Variants in TRMT11 observed in about 807,000 individuals in gnomAD.
TRMT11 encodes tRNA methyltransferase 11.
Under a neutral mutation model 62.8 loss-of-function variants are expected in TRMT11, and 53 were observed. That is an observed-to-expected ratio of 0.84 (90% CI 0.68 to 1.06). TRMT11 has a LOEUF of 1.06. Among genes scored for constraint, TRMT11 ranks in the 50% least tolerant of loss-of-function variants. The probability of loss-of-function intolerance (pLI) is 0.00; values close to 1 mark genes in which losing one functional copy is unlikely to be tolerated. For synonymous variants in TRMT11, 188 were observed against 190.3 expected, an observed-to-expected ratio of 0.99 and a Z score of 0.10; for missense variants, 556 against 553.4, an observed-to-expected ratio of 1.00 and a Z score of -0.05.
At chr6:126,005,305 G>A (rs1770630794) in intron 7 of TRMT11, among the ~76,000 whole-genome samples, 1 of 152,026 alleles carries the variant, frequency 6.6e-6, no homozygotes, top group Non-Finnish European at 1.5e-5. Context: ...TAATCCCAAA[G>A]GAGGTAGTAT....
intron 7 of TRMT11, among the ~76,000 whole-genome samples, chr6:126,003,348 T>C (rs1329319500): frequency 2.6e-5 from 4 of 152,144 alleles, no homozygotes; most frequent in African/African-American, 7.2e-5. Context: ...CTTCTTCGAA[T>C]GTGGCCCAGG....
At chr6:126,129,480 C>T (rs550757720) in intron 21 of TRMT11, among the ~76,000 whole-genome samples, 2 of 152,070 alleles carry the variant, frequency 1.3e-5, no homozygotes, top group East Asian at 3.9e-4. Flanking sequence ...GGAACTTTAC[C>T]GACTATGGGT....
At chr6:126,209,512 A>G in the TRMT11 span, among the ~76,000 whole-genome samples, 15 of 151,860 alleles carry the variant, frequency 9.9e-5, no homozygotes, top group African/African-American at 3.6e-4. Flanking sequence ...CAAGGTCAGG[A>G]GATCGAGACC....
chr6:126,151,329 G>A (rs1307989268), intron 21 of TRMT11, among the ~76,000 whole-genome samples: 1 of 152,094 alleles, frequency 6.6e-6, no homozygotes, highest in Non-Finnish European at 1.5e-5. Context: ...TAGCAATTAA[G>A]TAGAGGAATT....
chr6:126,261,999 G>GT, the TRMT11 span, among the ~76,000 whole-genome samples: 1 of 152,214 alleles, frequency 6.6e-6, no homozygotes, highest in Admixed American at 6.5e-5. Flanking sequence ...GTTTGTGTGA[G>GT]TACAGCGAGG....
intron 17 of TRMT11, among the ~76,000 whole-genome samples, chr6:126,067,526 GT>G (rs1776728068): frequency 6.6e-6 from 1 of 152,170 alleles, no homozygotes; most frequent in South Asian, 2.1e-4. Context: ...CATGTTCTTT[GT>G]TGTGTGGGAT....
chr6:126,220,887 A>C, the TRMT11 span, among the ~76,000 whole-genome samples: 1 of 152,070 alleles, frequency 6.6e-6, no homozygotes, highest in African/African-American at 2.4e-5. Flanking sequence ...ACTGATAGGT[A>C]GTTTTTCGAT....
intron 21 of TRMT11, among the ~76,000 whole-genome samples, chr6:126,127,764 C>A (rs113981465): frequency 1.3e-5 from 2 of 150,410 alleles, no homozygotes; most frequent in Non-Finnish European, 1.5e-5. Context: ...GTTTGCTGAA[C>A]GCGCCCGATC....
At chr6:126,080,744 C>T (rs1777144033) in intron 17 of TRMT11, among the ~76,000 whole-genome samples, 1 of 152,168 alleles carries the variant, frequency 6.6e-6, no homozygotes, top group South Asian at 2.1e-4. Flanking sequence ...CGGGAGCATT[C>T]AGTGTTCAAG....
chr6:126,249,806 T>C, the TRMT11 span, among the ~76,000 whole-genome samples: 2 of 152,146 alleles, frequency 1.3e-5, no homozygotes. Flanking sequence ...AAGATAAACA[T>C]GATGGATATA....
intron 12 of TRMT11, among the ~76,000 whole-genome samples, chr6:126,030,379 C>T (rs1156555864): frequency 6.6e-6 from 1 of 152,186 alleles, no homozygotes; most frequent in African/African-American, 2.4e-5. Context: ...CATTTCATTT[C>T]ACTCTCTGCT....
chr6:126,246,189 G>C, the TRMT11 span, among the ~76,000 whole-genome samples: 4 of 152,254 alleles, frequency 2.6e-5, no homozygotes, highest in South Asian at 8.3e-4. Flanking sequence ...CGAGGCTGCA[G>C]TGGGTGATGG....
At chr6:125,999,425 C>T (rs748877499) in intron 6 of TRMT11, 32 bp from the exon 7 acceptor site, 3 of 1,550,376 alleles carry the variant, frequency 1.9e-6, no homozygotes. Context: ...TTCTGTATGG[C>T]TATACTAACA....
intron 7 of TRMT11, among the ~76,000 whole-genome samples, chr6:126,003,946 A>G (rs1792940193): frequency 6.6e-6 from 1 of 151,904 alleles, no homozygotes. Flanking sequence ...GTAGTTTTAC[A>G]TTTTTTCTTT....
At chr6:126,160,311 T>G (rs544968458) in intron 21 of TRMT11, among the ~76,000 whole-genome samples, 7 of 152,322 alleles carry the variant, frequency 4.6e-5, no homozygotes, top group Admixed American at 1.3e-4. Context: ...ATGCTGTACT[T>G]CACTGATACT....
chr6:126,225,034 G>T, the TRMT11 span, among the ~76,000 whole-genome samples: 3 of 152,172 alleles, frequency 2.0e-5, no homozygotes, highest in Non-Finnish European at 4.4e-5. Context: ...AGACAGAGGG[G>T]TGCTCAGATC....
At chr6:126,235,452 C>G in the TRMT11 span, among the ~76,000 whole-genome samples, 1 of 152,206 alleles carries the variant, frequency 6.6e-6, no homozygotes, top group Non-Finnish European at 1.5e-5. Flanking sequence ...TGGAATCAAC[C>G]TACATGCCCA....
intron 17 of TRMT11, among the ~76,000 whole-genome samples, chr6:126,056,974 A>G (rs749490297): frequency 3.9e-5 from 6 of 152,210 alleles, no homozygotes; most frequent in Non-Finnish European, 1.5e-5. Flanking sequence ...TGCAGTAATT[A>G]TGGAAGGGAT....
chr6:126,046,808 C>T (rs1287314642), intron 16 of TRMT11, among the ~76,000 whole-genome samples: 2 of 152,218 alleles, frequency 1.3e-5, no homozygotes, highest in East Asian at 1.9e-4. Context: ...TTTAATGCAC[C>T]GTTGTTCTTT....
Sources: gnomAD v4.1 joint callset for allele counts (sites outside exome capture counted in the v4.1 genomes callset) on GRCh38, gnomAD v4.1.1 for gene constraint, MANE v1.5 for transcripts, NCBI Gene and HGNC (gene_info 2026-07-23, HGNC 2026-07-21) for gene names.